The following WHR1 variants were observed in gnomAD, a reference collection of about 807,000 sequenced individuals.
WHR1 encodes the protein MHC class III HLA-RP1.
the WHR1 span, chr6:31,971,831 C>A: frequency 7.5e-7 from 1 of 1,331,836 alleles, no homozygotes; most frequent in South Asian, 1.5e-5. This position sits in a 1 kb window ranked among gnomAD's most constrained non-coding sequence, Gnocchi z 4.5. Context: ...AGCTCTCATC[C>A]TGCCTCTTTC....
chr6:31,972,323 T>G, the WHR1 span: 1 of 1,613,132 alleles, frequency 6.2e-7, no homozygotes, highest in East Asian at 2.2e-5. The surrounding 1 kb of genome is among the most constrained non-coding windows in gnomAD (Gnocchi z 6.3). Context: ...GGGGAGACCG[T>G]ACGTCACTGC....
At chr6:31,978,889 C>G in the WHR1 span, 16 of 1,611,912 alleles carry the variant, frequency 9.9e-6, no homozygotes, top group East Asian at 3.6e-4. Flanking sequence ...TCACTCTCTT[C>G]TCTGTGGAGA....
chr6:31,972,840 C>A, the WHR1 span: 1 of 1,589,662 alleles, frequency 6.3e-7, no homozygotes, highest in South Asian at 1.1e-5. This position sits in a 1 kb window ranked among gnomAD's most constrained non-coding sequence, Gnocchi z 6.3. Context: ...GCCAGCCGTT[C>A]AGCAAGCATT....
At chr6:31,979,221 G>A in the WHR1 span, among the ~76,000 whole-genome samples, 1 of 111,896 alleles carries the variant, frequency 8.9e-6, no homozygotes, top group South Asian at 4.8e-4. Flanking sequence ...GGGAGGAGGA[G>A]GAAGGAAGGA....
chr6:31,976,511 C>T, the WHR1 span, among the ~76,000 whole-genome samples: 2 of 151,918 alleles, frequency 1.3e-5, no homozygotes, highest in African/African-American at 4.8e-5. Flanking sequence ...ACGCTCCTCA[C>T]TTCCTAGATG....
chr6:31,978,165 GGGGTCT>G, the WHR1 span, among the ~76,000 whole-genome samples: 6 of 152,112 alleles, frequency 3.9e-5, no homozygotes, highest in Non-Finnish European at 8.8e-5. Flanking sequence ...TTTAAGAGAT[GGGGTCT>G]CACTGTGTTG....
At chr6:31,971,460 T>C in the WHR1 span, 1 of 1,612,932 alleles carries the variant, frequency 6.2e-7, no homozygotes, top group Admixed American at 1.7e-5. This position sits in a 1 kb window ranked among gnomAD's most constrained non-coding sequence, Gnocchi z 4.5. Context: ...TAGTGGGGGG[T>C]GGGCTATAGT....
chr6:31,979,633 GT>G, the WHR1 span: 7 of 1,538,678 alleles, frequency 4.5e-6, no homozygotes, highest in African/African-American at 2.8e-5. Context: ...CTGTCCTCCT[GT>G]TTTTTTGGTG....
At chr6:31,979,513 C>A in the WHR1 span, 1 of 1,612,872 alleles carries the variant, frequency 6.2e-7, no homozygotes, top group East Asian at 2.2e-5. Flanking sequence ...CCAGCAGGAC[C>A]AAATGACACA....
the WHR1 span, chr6:31,980,874 T>G: frequency 4.7e-6 from 6 of 1,270,270 alleles, no homozygotes; most frequent in East Asian, 1.2e-4. Flanking sequence ...AGCTCATGCT[T>G]AGTTTCCTAG....
the WHR1 span, among the ~76,000 whole-genome samples, chr6:31,973,652 C>T: frequency 6.6e-6 from 1 of 152,090 alleles, no homozygotes; most frequent in Non-Finnish European, 1.5e-5. Context: ...CTGCGAGGTC[C>T]GTGGTTAAGG....
chr6:31,976,816 C>T, the WHR1 span, among the ~76,000 whole-genome samples: 28,912 of 152,266 alleles, frequency 0.19, 3,550 homozygotes, highest in African/African-American at 0.34. Context: ...CCGAGGCTGG[C>T]GGATCACTCG....
the WHR1 span, chr6:31,972,129 C>G: frequency 6.2e-7 from 1 of 1,612,888 alleles, no homozygotes; most frequent in Non-Finnish European, 8.5e-7. This position sits in a 1 kb window ranked among gnomAD's most constrained non-coding sequence, Gnocchi z 6.3. Context: ...CGCCCCTCCA[C>G]GCCGCCAACG....
At chr6:31,975,532 AC>A in the WHR1 span, among the ~76,000 whole-genome samples, 1 of 141,822 alleles carries the variant, frequency 7.1e-6, no homozygotes, top group African/African-American at 2.7e-5. Context: ...ATGGGGTTTC[AC>A]CCTGTTGGCC....
the WHR1 span, among the ~76,000 whole-genome samples, chr6:31,975,699 A>C: frequency 1.3e-5 from 2 of 150,494 alleles, no homozygotes; most frequent in Non-Finnish European, 3.0e-5. Context: ...AGACACGGCA[A>C]CCATCCGATT....
At chr6:31,971,897 G>C in the WHR1 span, 1 of 1,505,868 alleles carries the variant, frequency 6.6e-7, no homozygotes, top group Non-Finnish European at 8.9e-7. The surrounding 1 kb of genome is among the most constrained non-coding windows in gnomAD (Gnocchi z 4.5). Context: ...GGTTAGGAAG[G>C]ACGTCTGCGC....
At chr6:31,973,154 A>G in the WHR1 span, 2 of 426,938 alleles carry the variant, frequency 4.7e-6, no homozygotes, top group African/African-American at 4.0e-5. Flanking sequence ...GAGGTCAGCT[A>G]AGAAGATACT....
the WHR1 span, among the ~76,000 whole-genome samples, chr6:31,974,694 G>A: frequency 6.6e-6 from 1 of 152,196 alleles, no homozygotes; most frequent in African/African-American, 2.4e-5. Context: ...GGAATTTGAG[G>A]CTGCAGTGAG....
At chr6:31,972,745 C>G in the WHR1 span, 1 of 1,612,470 alleles carries the variant, frequency 6.2e-7, no homozygotes, top group Non-Finnish European at 8.5e-7. The surrounding 1 kb of genome is among the most constrained non-coding windows in gnomAD (Gnocchi z 6.3). Flanking sequence ...GGACCGTGGC[C>G]GACCGGCAGC....
Sources: allele counts gnomAD v4.1 joint callset (sites outside exome capture counted in the v4.1 genomes callset), GRCh38; gene constraint gnomAD v4.1.1; non-coding constraint Gnocchi (gnomAD v3.1); transcripts MANE v1.5; gene names NCBI Gene and HGNC (gene_info 2026-07-23, HGNC 2026-07-21).